NBPF20: variants seen among roughly 807,000 people sequenced by gnomAD.
NBPF20 encodes NBPF member 20.
In NBPF20, 90 loss-of-function variants were observed where a neutral mutation model predicts 68.1. The ratio of observed to expected loss-of-function variants is 1.32; its 90% CI spans 1.11 to 1.58. The LOEUF (loss-of-function observed/expected upper bound fraction) is 1.58, where lower values mean the gene tolerates loss of function less well. Ranked by LOEUF, NBPF20 falls within the 40% of genes most tolerant of loss-of-function variation. The probability of loss-of-function intolerance (pLI) is 0.00; values close to 1 mark genes in which losing one functional copy is unlikely to be tolerated. For synonymous variants in NBPF20, 290 were observed against 228.1 expected (o/e 1.27, Z -2.45); for missense variants, 816 against 601.2 (o/e 1.36, Z -3.74).
At chr1:145,395,771 G>C (rs1431480630) in intron 7 of NBPF20, among the ~76,000 whole-genome samples, 4 of 148,512 alleles carry the variant, frequency 2.7e-5, no homozygotes, top group South Asian at 2.1e-4. Context: ...CTGACTGTTA[G>C]AAGGAAAACT....
At chr1:145,405,479 G>C in exon 1 of NBPF20, 1 of 1,533,122 alleles carries the variant, frequency 6.5e-7, no homozygotes, top group Non-Finnish European at 8.7e-7. Context: ...GGTTCAAGGT[G>C]CCTCAACTCA....
chr1:145,400,918 G>A (rs1662493123), intron 5 of NBPF20, 141 bp downstream of exon 10: 6 of 1,083,034 alleles, frequency 5.5e-6, no homozygotes, highest in Admixed American at 1.7e-5. Flanking sequence ...CGCACCCTGT[G>A]TCTAAGCTGG....
chr1:145,393,014 A>G, intron 10 of NBPF20, 60 bp downstream of exon 15: 1 of 415,958 alleles, frequency 2.4e-6, no homozygotes, highest in Non-Finnish European at 4.0e-6. Flanking sequence ...TTGCAGTAGG[A>G]ATATGACCCT....
At chr1:145,295,995 T>A (rs1661307587) in intron 132 of NBPF20, 109 of 163,296 alleles carry the variant, frequency 6.7e-4, no homozygotes, top group South Asian at 4.2e-3. Context: ...TCGAGGATTT[T>A]AGACGCTGAA....
chr1:145,400,916 G>C (rs1346213027), intron 5 of NBPF20, 143 bp downstream of exon 10: 27 of 1,061,522 alleles, frequency 2.5e-5, no homozygotes, highest in South Asian at 1.8e-4. Flanking sequence ...GCCGCACCCT[G>C]TGTCTAAGCT....
exon 138 of NBPF20, chr1:145,291,230 A>G: frequency 3.7e-6 from 2 of 544,780 alleles, no homozygotes; most frequent in Non-Finnish European, 3.3e-6. Flanking sequence ...TGCAAAATGA[A>G]ATCCCTGAGG....
At chr1:145,292,980 C>T (rs1170716750) in intron 136 of NBPF20, among the ~76,000 whole-genome samples, 2 of 4,662 alleles carry the variant, frequency 4.3e-4, no homozygotes, top group African/African-American at 1.4e-3. Flanking sequence ...AGGATCAGGG[C>T]GCCACAGGTA....
intron 9 of NBPF20, chr1:145,393,623 T>A: frequency 2.5e-6 from 2 of 805,382 alleles, no homozygotes; most frequent in Middle Eastern, 3.6e-4. Flanking sequence ...GCATAAAATG[T>A]GCTCAAGTTT....
intron 8 of NBPF20, 37 bp from the exon 14 acceptor site, chr1:145,393,972 C>T (rs1553663051): frequency 2.1e-5 from 23 of 1,091,674 alleles, no homozygotes; most frequent in Admixed American, 1.3e-4. Context: ...TTACATTAAG[C>T]AGTTCTTCCT....
intron 2 of NBPF20, among the ~76,000 whole-genome samples, chr1:145,404,376 A>C (rs1553666397): frequency 6.6e-6 from 1 of 151,894 alleles, no homozygotes; most frequent in Non-Finnish European, 1.5e-5. Context: ...CTTCTGCCTC[A>C]GCCACCCGAT....
the NBPF20 span, among the ~76,000 whole-genome samples, chr1:145,416,162 C>T: frequency 6.6e-6 from 1 of 150,442 alleles, no homozygotes; most frequent in African/African-American, 2.4e-5. Flanking sequence ...AAAGACGGTT[C>T]ACTACTTAAC....
At chr1:145,291,301 G>C (rs1442123918) in exon 138 of NBPF20, 2 of 679,786 alleles carry the variant, frequency 2.9e-6, no homozygotes, top group Non-Finnish European at 4.9e-6. Flanking sequence ...ATCACTCCCG[G>C]CATGTGCTGC....
chr1:145,394,983 A>G lies in NBPF20; in HGVS notation c.986T>C (p.Ile329Thr), dbSNP rs1662153449. The change falls in exon 8 of 138, where the codon ATA becomes ACA. Residue 329 changes from isoleucine (I) to threonine (T), a missense_variant. Physicochemically the swap from Ile to Thr is moderately conservative, Grantham distance 89. Transcript: ENST00000369373. ...CTTCACAGTGTAGTACTCACTGCCT[A>G]TGTCAACAGCCATGCAGACTTGCTG... is the stretch of plus-strand genomic sequence containing the variant. 3.1e-6 allele frequency: 5 copies of G among 1,611,926 alleles called. No individual in the cohort carries two copies. In the South Asian group the frequency reaches 3.3e-5, roughly 11 times the overall value.
At chr1:145,416,898 T>TTAC in the NBPF20 span, among the ~76,000 whole-genome samples, 2 of 150,832 alleles carry the variant, frequency 1.3e-5, no homozygotes, top group Admixed American at 6.6e-5. Flanking sequence ...TATTGACAGA[T>TTAC]TACTAGAAGC....
chr1:145,421,144 G>A, the NBPF20 span, among the ~76,000 whole-genome samples: 2 of 150,224 alleles, frequency 1.3e-5, no homozygotes, highest in African/African-American at 4.9e-5. Flanking sequence ...TACTTGAGTA[G>A]CCAGGGAAGT....
At chr1:145,415,343 C>A in the NBPF20 span, among the ~76,000 whole-genome samples, 7,718 of 150,100 alleles carry the variant, frequency 0.051, 292 homozygotes, top group Non-Finnish European at 0.079. Context: ...AGGGACGAGC[C>A]GGAGACAGAT....
intron 9 of NBPF20, 144 bp downstream of exon 14, chr1:145,393,740 G>T: frequency 6.6e-7 from 1 of 1,513,768 alleles, no homozygotes; most frequent in African/African-American, 1.4e-5. Flanking sequence ...GTACTCTAAT[G>T]AGAACCAGAA....
chr1:145,413,507 G>T, the NBPF20 span, among the ~76,000 whole-genome samples: 1 of 152,134 alleles, frequency 6.6e-6, no homozygotes, highest in Non-Finnish European at 1.5e-5. Context: ...AAAACAAGAT[G>T]GATGAATCTC....
At chr1:145,400,530 A>C in exon 6 of NBPF20, 2 of 1,612,878 alleles carry the variant, frequency 1.2e-6, no homozygotes, top group Admixed American at 3.3e-5. Flanking sequence ...CTATTTGAAT[A>C]AGTGATGGCA....
Sources: allele counts gnomAD v4.1 joint callset (sites outside exome capture counted in the v4.1 genomes callset), GRCh38; gene constraint gnomAD v4.1.1; transcripts MANE v1.5; gene names NCBI Gene and HGNC (gene_info 2026-07-23, HGNC 2026-07-21).